NTSR1: variants seen among roughly 807,000 people sequenced by gnomAD.
NTSR1 encodes neurotensin receptor type 1.
In NTSR1, 29 loss-of-function variants were observed where a neutral mutation model predicts 31.2. That is an observed-to-expected ratio of 0.93 (90% CI 0.69 to 1.27). The LOEUF is 1.27. Among genes scored for constraint, NTSR1 ranks in the 50% most tolerant of loss-of-function variants. NTSR1 has a pLI of 0.00. For synonymous variants in NTSR1, 282 were observed against 269.9 expected (o/e 1.04, Z -0.44); for missense variants, 697 against 595.4 (o/e 1.17, Z -1.78).
At chr20:62,753,963 C>G (rs1361694221) in intron 1 of NTSR1, among the ~76,000 whole-genome samples, 1 of 152,216 alleles carries the variant, frequency 6.6e-6, no homozygotes, top group Non-Finnish European at 1.5e-5. Flanking sequence ...GGACTCAGCT[C>G]AGGCCAGGCT....
chr20:62,712,533 T>C (rs889121466), intron 1 of NTSR1, among the ~76,000 whole-genome samples: 1 of 152,256 alleles, frequency 6.6e-6, no homozygotes, highest in African/African-American at 2.4e-5. Flanking sequence ...GCTGGGCATT[T>C]TCCTAGTGTG....
chr20:62,727,542 C>T (rs1036899977), intron 1 of NTSR1, among the ~76,000 whole-genome samples: 4 of 152,216 alleles, frequency 2.6e-5, no homozygotes, highest in African/African-American at 7.2e-5. Flanking sequence ...AAGGAGAGTC[C>T]GCTGTGGTAC....
intron 1 of NTSR1, among the ~76,000 whole-genome samples, chr20:62,716,507 C>CGT (rs371860303): frequency 2.1e-5 from 1 of 47,768 alleles, no homozygotes; most frequent in Non-Finnish European, 5.5e-5. Context: ...GGTTTCAGCG[C>CGT]GTTAGTCCCG....
chr20:62,713,590 A>G (rs1404614816), intron 1 of NTSR1, among the ~76,000 whole-genome samples: 1 of 152,232 alleles, frequency 6.6e-6, no homozygotes, highest in Non-Finnish European at 1.5e-5. Context: ...CTTAGGAAGG[A>G]TACAGAGGTG....
At chr20:62,736,477 C>G (rs1989095318) in intron 1 of NTSR1, among the ~76,000 whole-genome samples, 1 of 152,228 alleles carries the variant, frequency 6.6e-6, no homozygotes, top group Non-Finnish European at 1.5e-5. Context: ...AACTGGGGAA[C>G]CAGGAGAGGG....
intron 2 of NTSR1, among the ~76,000 whole-genome samples, chr20:62,755,125 C>T (rs1989463691): frequency 8.0e-6 from 1 of 125,400 alleles, no homozygotes; most frequent in Non-Finnish European, 1.7e-5. Context: ...TCCCTCCCTC[C>T]ATCCATCCTT....
rs1341969106 is a variant in NTSR1, at chr20:62,709,516, C to G, written c.309C>G (p.Tyr103Ter). Residue 103 changes from tyrosine to a stop codon, truncating the protein, a stop_gained, in exon 1 of 4, where the codon TAC (tyrosine) becomes TAG (stop). Transcript: ENST00000370501. LOFTEE classifies it high-confidence loss of function. ...AGAGCCTGCAGAGCACGGTGCATTA[C>G]CACCTGGGCAGCCTGGCGCTGTCCG... The part of the protein sequence containing the change: ...SLQSLQSTVH[Y>*]HLGSLALSDL... 7.4e-6 allele frequency: 12 copies of G among 1,612,520 alleles called. No individual in the cohort carries two copies. The highest frequency in any genetic ancestry group is 1.0e-5 in the Non-Finnish European group (12 of 1,179,862).
chr20:62,723,881 C>G (rs2427415), intron 1 of NTSR1, among the ~76,000 whole-genome samples: 1 of 152,156 alleles, frequency 6.6e-6, no homozygotes, highest in Non-Finnish European at 1.5e-5. Context: ...CAGGTGAACA[C>G]GCTGACCCCC....
intron 1 of NTSR1, among the ~76,000 whole-genome samples, chr20:62,734,813 T>G (rs551199275): frequency 2.0e-4 from 31 of 152,398 alleles, no homozygotes; most frequent in Non-Finnish European, 3.5e-4. Flanking sequence ...TTAAGTTAAA[T>G]AAGATATCGT....
In NTSR1 at chr20:62,743,119, C is replaced by T. The variant is rs989204955; in HGVS notation, c.715-11566C>T. ...GTCAGGCTGGGAGGGGAGCACGGAG[C>T]CGCCCCTGCTGGACACGTATCCCGG... is the stretch of plus-strand genomic sequence containing the variant. On this transcript the variant is annotated intron_variant, in intron 1 of 3. Coordinates refer to ENST00000370501, the MANE Select transcript of NTSR1 (RefSeq NM_002531.3). This position sits in a 1 kb window ranked among gnomAD's most constrained non-coding sequence, Gnocchi z 7.5. Among the ~76,000 whole-genome samples the T allele has an allele frequency of 6.7e-5, 10 of 149,428 alleles. 1 individual carries two copies. Among genetic ancestry groups the T allele is most frequent in the Admixed American group, 2.0e-4 (3 of 14,892 alleles).
chr20:62,739,963 C>T (rs1989173493), intron 1 of NTSR1, among the ~76,000 whole-genome samples: 1 of 152,242 alleles, frequency 6.6e-6, no homozygotes. Context: ...ACTGCTGGCC[C>T]CTGGCCGCAC....
chr20:62,714,571 C>T lies in NTSR1; in HGVS notation c.714+4650C>T, dbSNP rs554622761. Among the ~76,000 whole-genome samples the T allele has an allele frequency of 1.3e-5, 2 of 152,270 alleles. No individual in the cohort carries two copies. Among genetic ancestry groups the T allele is most frequent in the South Asian group, 4.2e-4 (2 of 4,818 alleles). ...TGTGAGGTGAGCCCTGGTGTGCACACAGCCTCGTGGCATCCTTGGAGCAAA... is the reference window on the plus strand; with the variant it reads ...TGTGAGGTGAGCCCTGGTGTGCACATAGCCTCGTGGCATCCTTGGAGCAAA... On this transcript the variant is annotated intron_variant, in intron 1 of 3. Transcript: ENST00000370501. The surrounding 1 kb of genome is among the most constrained non-coding windows in gnomAD (Gnocchi z 4.1).
chr20:62,721,609 C>T (rs878875113), intron 1 of NTSR1, among the ~76,000 whole-genome samples: 3 of 152,186 alleles, frequency 2.0e-5, no homozygotes, highest in Non-Finnish European at 4.4e-5. Flanking sequence ...TCTTGGAGAT[C>T]GTTTATATCA....
rs1989258725 is a variant in NTSR1 at position 62,744,331 on chromosome 20, G to C, written c.715-10354G>C. ...GCACTTTGGGAGGCCGAGGTGGGCG[G>C]GTCATGAGGTCAGGAGATCGAGACC... On this transcript the variant is annotated intron_variant, in intron 1 of 3. Transcript: ENST00000370501. This position sits in a 1 kb window ranked among gnomAD's most constrained non-coding sequence, Gnocchi z 4.1. Among the ~76,000 whole-genome samples the C allele has an allele frequency of 6.6e-6, 1 of 152,124 alleles. No individual in the cohort carries two copies. Among genetic ancestry groups the C allele is most frequent in the South Asian group, 2.1e-4 (1 of 4,830 alleles).
chr20:62,752,786 G>A (rs569741628), intron 1 of NTSR1, among the ~76,000 whole-genome samples: 176 of 152,264 alleles, frequency 1.2e-3, no homozygotes, highest in Non-Finnish European at 2.2e-3. Context: ...CCCTGTCCCC[G>A]CTCCCAGCAG....
At chr20:62,738,488 C>G (rs1414863036) in intron 1 of NTSR1, among the ~76,000 whole-genome samples, 1 of 152,268 alleles carries the variant, frequency 6.6e-6, no homozygotes, top group East Asian at 1.9e-4. Context: ...GGTGGAAGGA[C>G]AGGCTGATGA....
chr20:62,732,877 T>C lies in NTSR1; in HGVS notation c.715-21808T>C, dbSNP rs1692574467. On this transcript the variant is annotated intron_variant, in intron 1 of 3. Coordinates refer to ENST00000370501, the MANE Select transcript of NTSR1 (RefSeq NM_002531.3). The surrounding 1 kb of genome is among the most constrained non-coding windows in gnomAD (Gnocchi z 4.0). ...CCCCATCTGACCCTCCGCTTGCTTT[T>C]CCTCGGGCTCTCCCTGCCTGGGCCT... is the stretch of plus-strand genomic sequence containing the variant. 1.3e-5 allele frequency: 2 copies of C among 152,160 alleles called. No individual in the cohort carries two copies. The highest frequency in any genetic ancestry group is 4.1e-4 in the South Asian group (2 of 4,832). The allele number at this position is 152,160 out of a possible 1,614,324, so 9.4% of individuals were successfully genotyped here. A position where few individuals can be genotyped will look rare whatever the true frequency, so the allele number is the denominator to read the frequency against.
chr20:62,760,216 G>A lies in NTSR1; in HGVS notation c.1206G>A (p.Val402=). 6.2e-7 allele frequency: 1 copy of A among 1,613,674 alleles called. No homozygotes were observed. Among genetic ancestry groups the A allele is most frequent in the Non-Finnish European group, 8.5e-7 (1 of 1,180,002 alleles). The change falls in exon 4 of 4, where the codon GTG becomes GTA. Residue 402 remains valine (V), a synonymous_variant. Transcript: ENST00000370501. ...CCTTCTCGAGGAAGGCCGACAGCGT[G>A]TCCAGCAACCACACCCTCTCCAGCA... ...RPAFSRKADS[V]SSNHTLSSNA...
intron 1 of NTSR1, among the ~76,000 whole-genome samples, chr20:62,747,751 C>CACAAAA (rs929554591): frequency 3.4e-5 from 5 of 147,628 alleles, no homozygotes; most frequent in South Asian, 4.2e-4. Context: ...CTAAAGACTC[C>CACAAAA]ACAAAAACAA....
Sources: gnomAD v4.1 joint callset for allele counts (sites outside exome capture counted in the v4.1 genomes callset) on GRCh38, gnomAD v4.1.1 for gene constraint, Gnocchi (gnomAD v3.1) non-coding constraint, MANE v1.5 for transcripts, NCBI Gene and HGNC (gene_info 2026-07-23, HGNC 2026-07-21) for gene names.